MED1: variants seen among roughly 807,000 people sequenced by gnomAD.
The protein encoded by MED1 is mediator complex subunit 1.
Under a neutral mutation model 121.3 loss-of-function variants are expected in MED1, and 17 were observed. The observed-to-expected ratio is 0.14, with a 90% confidence interval of 0.10 to 0.21. The LOEUF (loss-of-function observed/expected upper bound fraction) is 0.21, where lower values mean the gene tolerates loss of function less well. MED1 is among the 10% of genes least tolerant of loss of function. The probability of loss-of-function intolerance (pLI) is 1.00; values close to 1 mark genes in which losing one functional copy is unlikely to be tolerated. For missense variants in MED1, 1,558 were observed against 1,919.4 expected (o/e 0.81, Z 3.52); for synonymous variants, 661 against 694.4 (o/e 0.95, Z 0.76).
rs2048316075 is a variant in MED1, at chr17:39,407,726, T to G, written c.4495A>C (p.Lys1499Gln). ...ACTTTCTTCTTTTCCTTTTTGTGCT[T>G]CTTATGTTTCTCTGTGCTGTATTCT... ...LPEYSTEKHK[K>Q]HKKEKKKVKD... The change falls in exon 17 of 17, where the codon AAG becomes CAG. Residue 1499 changes from lysine (K) to glutamine (Q), a missense_variant. By Grantham distance (53) the Lys-to-Gln change is moderately conservative. Around this residue, in one of 5 missense-constraint regions of MED1, gnomAD observed 264 missense variants for 326.1 expected, o/e 0.81. Transcript: ENST00000300651. The G allele has an allele frequency of 6.2e-6, 10 of 1,614,012 alleles. No homozygotes were observed. The highest frequency in any genetic ancestry group is 5.0e-5 in the Admixed American group (3 of 59,990).
intron 9 of MED1, 89 bp downstream of exon 9, chr17:39,431,026 T>C (rs962957446): frequency 2.4e-6 from 3 of 1,262,362 alleles, no homozygotes; most frequent in Non-Finnish European, 3.4e-6. Flanking sequence ...CTCAAAAAAA[T>C]AAACAAACAA....
In MED1 at chr17:39,407,986, T is replaced by G; in HGVS notation, c.4235A>C (p.Lys1412Thr). The G allele has an allele frequency of 1.2e-6, 2 of 1,614,136 alleles. No individual in the cohort carries two copies. Among genetic ancestry groups the G allele is most frequent in the Non-Finnish European group, 1.7e-6 (2 of 1,180,036 alleles). The change falls in exon 17 of 17, where the codon AAA becomes ACA. Residue 1412 changes from lysine (K) to threonine (T), a missense_variant. By Grantham distance (78) the Lys-to-Thr change is moderately conservative (BLOSUM62 -1). This residue lies in a region of MED1 where 264 missense variants were observed against 326.1 expected (regional missense o/e 0.81). Coordinates refer to ENST00000300651, the MANE Select transcript of MED1 (RefSeq NM_004774.4). ...PSIKAKVTLQ[K>T]PGESSGEGLR... is the part of the protein sequence containing the mutation. Reference sequence around the variant, plus strand: ...CCCTTCTCCACTACTTTCCCCAGGTTTCTGCAAAGTCACTTTGGCTTTAAT... The same window carrying G: ...CCCTTCTCCACTACTTTCCCCAGGTGTCTGCAAAGTCACTTTGGCTTTAAT...
intron 6 of MED1, among the ~76,000 whole-genome samples, chr17:39,438,012 T>C (rs1349915258): frequency 6.6e-6 from 1 of 151,426 alleles, no homozygotes; most frequent in Non-Finnish European, 1.5e-5. Flanking sequence ...ACCATTATAC[T>C]CCAGACTAGG....
At chr17:39,450,132 T>C (rs540835583) in intron 1 of MED1, among the ~76,000 whole-genome samples, 2 of 146,552 alleles carry the variant, frequency 1.4e-5, no homozygotes, top group Non-Finnish European at 3.0e-5. Context: ...ATTTTTTTTG[T>C]AGAGACAGGG....
intron 8 of MED1, among the ~76,000 whole-genome samples, chr17:39,431,499 G>A (rs1333551569): frequency 1.3e-5 from 2 of 151,892 alleles, no homozygotes; most frequent in East Asian, 3.9e-4. Flanking sequence ...GGCTGGTCTC[G>A]AACTCGTGAC....
chr17:39,438,258 G>A (rs986312441), intron 6 of MED1, among the ~76,000 whole-genome samples: 1 of 149,436 alleles, frequency 6.7e-6, no homozygotes, highest in Non-Finnish European at 1.5e-5. Context: ...TACAACCTCC[G>A]CCTCCTGGGT....
chr17:39,430,242 G>A (rs936012540), intron 9 of MED1, among the ~76,000 whole-genome samples: 9 of 152,054 alleles, frequency 5.9e-5, no homozygotes, highest in African/African-American at 1.9e-4. Flanking sequence ...AAAATTAGTC[G>A]GGTGTGGTGG....
chr17:39,447,116 C>T (rs148686485), intron 2 of MED1, among the ~76,000 whole-genome samples: 214 of 152,230 alleles, frequency 1.4e-3, no homozygotes, highest in African/African-American at 4.5e-3. Flanking sequence ...AACGGCTGGA[C>T]GCGGTGGCTC....
chr17:39,409,025 G>C lies in MED1; in HGVS notation c.3196C>G (p.Gln1066Glu). Reference sequence around the variant, plus strand: ...ACCATCACTGTTCCCTTAGGAATCTGAATAGTGATTTTGGGAATGGGTGGT... The same window carrying C: ...ACCATCACTGTTCCCTTAGGAATCTCAATAGTGATTTTGGGAATGGGTGGT... ...ATPPIPKITI[Q>E]IPKGTVMVGK... The change falls in exon 17 of 17, where the codon CAG becomes GAG. Residue 1066 changes from glutamine to glutamate, a missense_variant. Gln to Glu is a conservative substitution (Grantham distance 29). Coordinates refer to ENST00000300651, the MANE Select transcript of MED1 (RefSeq NM_004774.4). The C allele has an allele frequency of 6.2e-7, 1 of 1,614,190 alleles. No individual in the cohort carries two copies. The highest frequency in any genetic ancestry group is 8.5e-7 in the Non-Finnish European group (1 of 1,180,030).
At chr17:39,429,188 A>C (rs1244476336) in intron 9 of MED1, among the ~76,000 whole-genome samples, 1 of 150,670 alleles carries the variant, frequency 6.6e-6, no homozygotes, top group Non-Finnish European at 1.5e-5. Flanking sequence ...CCCATCTCTA[A>C]AAAAATTGTT....
chr17:39,447,732 G>T, intron 2 of MED1, 66 bp downstream of exon 2: 1 of 1,155,324 alleles, frequency 8.7e-7, no homozygotes. Context: ...ATCTACATGG[G>T]GAGCTTAGCG....
intron 3 of MED1, among the ~76,000 whole-genome samples, chr17:39,443,103 A>G (rs1196743889): frequency 7.0e-6 from 1 of 142,218 alleles, no homozygotes; most frequent in African/African-American, 2.6e-5. Context: ...CCCAGGTCAC[A>G]CTGTTCTCCT....
In MED1 at chr17:39,408,403, A is replaced by G. The variant is rs774696920; in HGVS notation, c.3818T>C (p.Phe1273Ser). 1.2e-6 allele frequency: 2 copies of G among 1,614,034 alleles called. No individual in the cohort carries two copies. Among genetic ancestry groups the G allele is most frequent in the East Asian group, 2.2e-5 (1 of 44,900 alleles). ...SNSCTASSSS[F>S]SSSGSSMSSS... is the part of the protein sequence containing the mutation. ...TGACATGGAAGAGCCACTTGAGGAA[A>G]AGGAGGAGGAAGATGCCGTACAGGA... The change falls in exon 17 of 17, where the codon TTT becomes TCT. Residue 1273 changes from phenylalanine (F) to serine (S), a missense_variant. Around this residue, in one of 5 missense-constraint regions of MED1, gnomAD observed 793 missense variants for 898.2 expected, o/e 0.88. Coordinates refer to ENST00000300651, the MANE Select transcript of MED1 (RefSeq NM_004774.4). The surrounding 1 kb of genome is among the most constrained non-coding windows in gnomAD (Gnocchi z 4.7).
Position 39,410,398 on chromosome 17 carries a change from A to C in MED1, c.1823T>G (p.Leu608Trp). Residue 608 changes from leucine to tryptophan, a missense_variant, in exon 17 of 17, where the codon TTG becomes TGG. Coordinates refer to ENST00000300651, the MANE Select transcript of MED1 (RefSeq NM_004774.4). ...AGACCCCCCGTTCCCTGTGATTTGC[A>C]ACAAACTGGTAAGAATTGGGTTCTG... ...VSQNPILTSL[L>W]QITGNGGSTI... 1 of 1,613,966 alleles carries C rather than the reference A, an allele frequency of 6.2e-7. No individual in the cohort carries two copies. The highest frequency in any genetic ancestry group is 8.5e-7 in the Non-Finnish European group (1 of 1,179,990).
At chr17:39,437,184 G>A (rs4412996) in intron 6 of MED1, among the ~76,000 whole-genome samples, 8,113 of 152,114 alleles carry the variant, frequency 0.053, 241 homozygotes, top group Non-Finnish European at 0.078. Context: ...CGCCTGCCTC[G>A]GCTTCCCAAA....
chr17:39,423,946 G>A, intron 11 of MED1, 125 bp from the exon 12 acceptor site: 1 of 1,163,498 alleles, frequency 8.6e-7, no homozygotes, highest in Non-Finnish European at 1.2e-6. Context: ...GCAATGGCGT[G>A]ATCTTGGCTC....
At chr17:39,415,798 G>A (rs1176016702) in intron 14 of MED1, among the ~76,000 whole-genome samples, 1 of 110,754 alleles carries the variant, frequency 9.0e-6, no homozygotes, top group Non-Finnish European at 1.7e-5. Context: ...GCCTGGGCAA[G>A]AGTAAGACTC....
intron 2 of MED1, among the ~76,000 whole-genome samples, chr17:39,446,334 C>G (rs1028503392): frequency 1.3e-5 from 2 of 150,802 alleles, no homozygotes; most frequent in Non-Finnish European, 2.9e-5. Context: ...CCTGTAGTCC[C>G]AGCTACTCGG....
intron 8 of MED1, among the ~76,000 whole-genome samples, chr17:39,431,544 G>A (rs1479362026): frequency 6.6e-6 from 1 of 152,194 alleles, no homozygotes; most frequent in African/African-American, 2.4e-5. Flanking sequence ...CTCCCAAAGT[G>A]CTGGGATTAC....
Sources: gnomAD v4.1 joint callset for allele counts (sites outside exome capture counted in the v4.1 genomes callset) on GRCh38, gnomAD v4.1.1 for gene constraint, gnomAD v4.1.1 regional missense constraint, Gnocchi (gnomAD v3.1) non-coding constraint, MANE v1.5 for transcripts, NCBI Gene and HGNC (gene_info 2026-07-23, HGNC 2026-07-21) for gene names.